The following PRKCH variants were observed in gnomAD, a reference collection of about 807,000 sequenced individuals.
PRKCH encodes the protein protein kinase C eta type.
Under a neutral mutation model 82.5 loss-of-function variants are expected in PRKCH, and 28 were observed. The ratio of observed to expected loss-of-function variants is 0.34; its 90% CI spans 0.25 to 0.47. The LOEUF (loss-of-function observed/expected upper bound fraction) is 0.47. Among genes scored for constraint, PRKCH ranks in the 20% least tolerant of loss-of-function variants. The probability of loss-of-function intolerance (pLI) is 1.00; values close to 1 mark genes in which losing one functional copy is unlikely to be tolerated. For synonymous variants in PRKCH, 322 were observed against 327.4 expected, an observed-to-expected ratio of 0.98 and a Z score of 0.18; for missense variants, 705 against 881.8, an observed-to-expected ratio of 0.80 and a Z score of 2.54.
intron 1 of PRKCH, among the ~76,000 whole-genome samples, chr14:61,232,534 TGATACAAATGAACAGCCAGATGAAGA>T (rs1309002368): frequency 6.6e-6 from 1 of 152,200 alleles, no homozygotes; most frequent in East Asian, 1.9e-4. Flanking sequence ...ATATTTTAAA[TGATACAAATGAACAGCCAGATGAAGA>T]GATACAAATG....
chr14:61,477,763 G>A (rs377495446), intron 9 of PRKCH, among the ~76,000 whole-genome samples: 12 of 152,130 alleles, frequency 7.9e-5, no homozygotes, highest in Non-Finnish European at 1.3e-4. Context: ...GTCCTTACCC[G>A]GTCAAGGCCA....
At chr14:61,367,986 T>G (rs1313945626) in intron 1 of PRKCH, among the ~76,000 whole-genome samples, 1 of 151,966 alleles carries the variant, frequency 6.6e-6, no homozygotes, top group African/African-American at 2.4e-5. Flanking sequence ...AGTGCTGGGA[T>G]TACAGGCGTG....
rs956364355 is a variant in PRKCH at position 61,442,799 on chromosome 14, A to G, written c.428-312A>G. 8.5e-5 allele frequency: 16 copies of G among 187,682 alleles called. No homozygotes were observed. In the Admixed American group the frequency reaches 9.6e-4, roughly 11 times the overall value. 11.6% of individuals were successfully genotyped at this position (187,682 alleles called of 1,614,324 possible). A position where few individuals can be genotyped will look rare whatever the true frequency, so the allele number is the denominator to read the frequency against. On this transcript the variant is annotated intron_variant, in intron 2 of 13. Coordinates refer to ENST00000332981, the MANE Select transcript of PRKCH (RefSeq NM_006255.5). ...AAAAATTATTTTTAATTAGCTGGGT[A>G]TGGTGGTGCATGCCTGTAGTCCCAG...
intron 10 of PRKCH, 69 bp from the exon 11 acceptor site, chr14:61,529,006 G>GTGTGTGTT: frequency 6.8e-7 from 1 of 1,470,278 alleles, no homozygotes. Context: ...GTGTGTGTGT[G>GTGTGTGTT]CCCATTCTGA....
chr14:61,239,025 G>A (rs1164405880), intron 1 of PRKCH, among the ~76,000 whole-genome samples: 1 of 152,170 alleles, frequency 6.6e-6, no homozygotes, highest in Non-Finnish European at 1.5e-5. Context: ...GTTCCAATTA[G>A]CATTTCTAGG....
At chr14:61,274,036 T>G (rs969634843) in intron 1 of PRKCH, among the ~76,000 whole-genome samples, 2 of 152,216 alleles carry the variant, frequency 1.3e-5, no homozygotes, top group African/African-American at 4.8e-5. Flanking sequence ...AATCAGCTTC[T>G]AGGCACATAG....
intron 1 of PRKCH, among the ~76,000 whole-genome samples, chr14:61,343,400 A>C (rs1444699211): frequency 6.6e-6 from 1 of 151,352 alleles, no homozygotes; most frequent in Non-Finnish European, 1.5e-5. Context: ...TAGACTGGAT[A>C]GAAAAGACTT....
rs146554772 is a variant in PRKCH, at chr14:61,197,455, C to T, written c.-19+9787C>T. Reference sequence around the variant, plus strand: ...GTTGAGGAGCCATGTCTGGTGAGGGCCTTCTGGCTGATGAGGACTCTCTGC... The same window carrying T: ...GTTGAGGAGCCATGTCTGGTGAGGGTCTTCTGGCTGATGAGGACTCTCTGC... On this transcript the variant is annotated intron_variant, in intron 1 of 3. Coordinates refer to the PRKCH transcript ENST00000555185. 1.5e-3 allele frequency among the ~76,000 whole-genome samples: 225 copies of T among 152,260 alleles called. 1 individual carries two copies. The highest frequency in any genetic ancestry group is 6.8e-3 in the Middle Eastern group (2 of 294).
chr14:61,239,815 A>G (rs779456071), intron 1 of PRKCH, among the ~76,000 whole-genome samples: 1 of 152,160 alleles, frequency 6.6e-6, no homozygotes, highest in African/African-American at 2.4e-5. Flanking sequence ...TTTTTCTGGG[A>G]GATGGCTCTG....
At chr14:61,416,059 T>C (rs1287665030) in intron 2 of PRKCH, among the ~76,000 whole-genome samples, 7 of 131,830 alleles carry the variant, frequency 5.3e-5, no homozygotes, top group African/African-American at 2.1e-4. Context: ...TTTTCTTTTT[T>C]TTTTTTTTTT....
intron 1 of PRKCH, among the ~76,000 whole-genome samples, chr14:61,264,755 G>A (rs1407462304): frequency 2.0e-5 from 3 of 152,322 alleles, no homozygotes; most frequent in South Asian, 4.1e-4. Flanking sequence ...ACCCCCTTCA[G>A]TGGGCTTCAG....
chr14:61,515,793 T>C (rs929944597), intron 10 of PRKCH, among the ~76,000 whole-genome samples: 1 of 152,208 alleles, frequency 6.6e-6, no homozygotes. Context: ...TTGTTTTTAC[T>C]CTTTATCAGT....
chr14:61,444,232 T>C lies in PRKCH; in HGVS notation c.578+971T>C, dbSNP rs115127928. 9.2e-3 allele frequency among the ~76,000 whole-genome samples: 1,403 copies of C among 152,334 alleles called. 21 individuals carry two copies. The highest frequency in any genetic ancestry group is 0.032 in the African/African-American group (1,343 of 41,584). On this transcript the variant is annotated intron_variant, in intron 3 of 13. Coordinates refer to ENST00000332981, the MANE Select transcript of PRKCH (RefSeq NM_006255.5). ...TGTAGATATGAAGCCAACAAATGTG[T>C]CATAACATTTATTGTATTTAGGGAA...
At chr14:61,259,659 G>T (rs2045029404) in intron 1 of PRKCH, among the ~76,000 whole-genome samples, 1 of 152,142 alleles carries the variant, frequency 6.6e-6, no homozygotes, top group Non-Finnish European at 1.5e-5. Flanking sequence ...CTAGCCTAGA[G>T]CTCTGGTCAA....
chr14:61,538,528 T>C (rs1566934718), intron 12 of PRKCH, among the ~76,000 whole-genome samples: 1 of 152,250 alleles, frequency 6.6e-6, no homozygotes, highest in Non-Finnish European at 1.5e-5. Flanking sequence ...TACATTTTGA[T>C]AGCAGTGTAA....
At chr14:61,430,829 A>G (rs1382968107) in intron 2 of PRKCH, among the ~76,000 whole-genome samples, 2 of 150,632 alleles carry the variant, frequency 1.3e-5, no homozygotes, top group Non-Finnish European at 2.9e-5. Context: ...ATCTCAGCTC[A>G]CTGCAATCGC....
At chr14:61,352,023 T>C (rs2046082563) in intron 1 of PRKCH, among the ~76,000 whole-genome samples, 1 of 152,244 alleles carries the variant, frequency 6.6e-6, no homozygotes, top group Middle Eastern at 3.4e-3. Context: ...GCCCTCACCA[T>C]CAGGAGTGTG....
intron 9 of PRKCH, chr14:61,477,041 T>C (rs74577987): frequency 6.6e-6 from 1 of 152,186 alleles, no homozygotes; most frequent in Non-Finnish European, 1.5e-5. Flanking sequence ...GTTTCCTGTT[T>C]ATTTGAACTC....
Position 61,494,560 on chromosome 14 carries a change from G to A in PRKCH, c.1433+8904G>A, listed in dbSNP as rs1363971429. ...TAGCCCTTTGGCCCATCTGTACAGTGGAGGTGCCATTGACACAGCTTCCCA... is the reference window on the plus strand; with the variant it reads ...TAGCCCTTTGGCCCATCTGTACAGTAGAGGTGCCATTGACACAGCTTCCCA... On this transcript the variant is annotated intron_variant, in intron 10 of 13. Transcript: ENST00000332981. 3.3e-5 allele frequency among the ~76,000 whole-genome samples: 5 copies of A among 152,334 alleles called. No homozygotes were observed. The East Asian group carries it at 5.8e-4, about 18-fold the overall frequency.
Sources: gnomAD v4.1 joint callset for allele counts (sites outside exome capture counted in the v4.1 genomes callset) on GRCh38, gnomAD v4.1.1 for gene constraint, MANE v1.5 for transcripts, NCBI Gene and HGNC (gene_info 2026-07-23, HGNC 2026-07-21) for gene names.